The following MEF2A variants were observed in gnomAD, a reference collection of about 807,000 sequenced individuals.
MEF2A encodes the protein myocyte-specific enhancer factor 2A.
In MEF2A, 28 loss-of-function variants were observed where a neutral mutation model predicts 55.8. The ratio of observed to expected loss-of-function variants is 0.50; its 90% CI spans 0.37 to 0.69. The LOEUF is 0.69. MEF2A is among the 30% of genes least tolerant of loss of function. The pLI is 0.00. For synonymous variants in MEF2A, 239 were observed against 227.1 expected, an observed-to-expected ratio of 1.05 and a Z score of -0.47; for missense variants, 528 against 626.2, an observed-to-expected ratio of 0.84 and a Z score of 1.67.
At chr15:99,588,015 G>A (rs1384869495) in intron 1 of MEF2A, among the ~76,000 whole-genome samples, 2 of 152,154 alleles carry the variant, frequency 1.3e-5, no homozygotes, top group Non-Finnish European at 2.9e-5. Flanking sequence ...CTTAGAGGGG[G>A]CAATTAGTCT....
At chr15:99,670,325 A>G (rs1416755692) in intron 4 of MEF2A, among the ~76,000 whole-genome samples, 2 of 152,196 alleles carry the variant, frequency 1.3e-5, no homozygotes, top group Non-Finnish European at 2.9e-5. Flanking sequence ...TTCTCCAGAA[A>G]GGGCTGGGCA....
intron 3 of MEF2A, among the ~76,000 whole-genome samples, chr15:99,641,028 G>T (rs2044810642): frequency 6.6e-6 from 1 of 152,084 alleles, no homozygotes; most frequent in African/African-American, 2.4e-5. Context: ...GCACGTATTT[G>T]CACTAGTTTG....
intron 4 of MEF2A, among the ~76,000 whole-genome samples, chr15:99,664,631 G>T (rs2049262487): frequency 6.6e-6 from 1 of 152,078 alleles, no homozygotes. Context: ...CAGTAGAAAT[G>T]GAAATAATAT....
chr15:99,585,479 T>G (rs982913697), intron 1 of MEF2A, among the ~76,000 whole-genome samples: 2 of 152,226 alleles, frequency 1.3e-5, no homozygotes, highest in African/African-American at 4.8e-5. Flanking sequence ...TTATTAGTTT[T>G]TTTAAAAAAT....
At chr15:99,617,573 C>T (rs1424693189) in intron 2 of MEF2A, among the ~76,000 whole-genome samples, 3 of 152,168 alleles carry the variant, frequency 2.0e-5, no homozygotes, top group Non-Finnish European at 4.4e-5. Flanking sequence ...TATCAGGATA[C>T]TTTCTGCTGC....
chr15:99,609,104 C>T (rs902369437), intron 2 of MEF2A, among the ~76,000 whole-genome samples: 5 of 152,192 alleles, frequency 3.3e-5, no homozygotes, highest in African/African-American at 7.2e-5. Flanking sequence ...AGGTGCTAGA[C>T]AGTGGAAGAC....
chr15:99,671,642 G>T, intron 5 of MEF2A, 188 bp downstream of exon 5: 1 of 1,583,412 alleles, frequency 6.3e-7, no homozygotes. Context: ...ATATGATGCG[G>T]AATCATAAAA....
intron 4 of MEF2A, among the ~76,000 whole-genome samples, chr15:99,648,614 A>G (rs867527672): frequency 5.9e-5 from 9 of 152,144 alleles, no homozygotes; most frequent in Non-Finnish European, 8.8e-5. Flanking sequence ...CAACTTCCAT[A>G]AGGCCTATAA....
At chr15:99,632,080 A>G (rs2043034163) in intron 2 of MEF2A, among the ~76,000 whole-genome samples, 2 of 152,240 alleles carry the variant, frequency 1.3e-5, no homozygotes, top group Admixed American at 1.3e-4. Flanking sequence ...GCCATCATTC[A>G]GAACATGACA....
rs1042888086 is a variant in MEF2A at position 99,565,998 on chromosome 15, G to T, written c.-331G>T. Reference sequence around the variant, plus strand: ...CCGGTGTGGGGATCCGTGCGCGGATGTCCCGGCGAGTCCCGGGCTGAAAGA... The same window carrying T: ...CCGGTGTGGGGATCCGTGCGCGGATTTCCCGGCGAGTCCCGGGCTGAAAGA... On this transcript the variant is annotated 5_prime_UTR_variant, in exon 1 of 12. An upstream start codon of the reference 5' UTR is lost. Coordinates refer to ENST00000557942, the MANE Select transcript of MEF2A (RefSeq NM_001319206.4). 3 of 152,280 alleles carry T rather than the reference G, an allele frequency of 2.0e-5. No individual in the cohort carries two copies. Among genetic ancestry groups the T allele is most frequent in the Admixed American group, 6.5e-5 (1 of 15,290 alleles). The allele number at this position is 152,280 out of a possible 1,614,324, so 9.4% of individuals were successfully genotyped here. A position where few individuals can be genotyped will look rare whatever the true frequency, so the allele number is the denominator to read the frequency against.
At chr15:99,687,974 T>C (rs1478582714) in intron 7 of MEF2A, among the ~76,000 whole-genome samples, 1 of 152,258 alleles carries the variant, frequency 6.6e-6, no homozygotes, top group Non-Finnish European at 1.5e-5. Context: ...GACATGTGAA[T>C]GCTGAGTCCT....
intron 2 of MEF2A, among the ~76,000 whole-genome samples, chr15:99,627,850 T>C (rs2042292268): frequency 6.6e-6 from 1 of 152,132 alleles, no homozygotes; most frequent in Non-Finnish European, 1.5e-5. Flanking sequence ...TGTTAAATTG[T>C]GGAGAAGGAA....
chr15:99,700,633 C>T (rs2057284334), intron 8 of MEF2A, among the ~76,000 whole-genome samples: 1 of 152,082 alleles, frequency 6.6e-6, no homozygotes, highest in Non-Finnish European at 1.5e-5. Context: ...ATACCTGGTG[C>T]TCAGATTTTA....
intron 1 of MEF2A, among the ~76,000 whole-genome samples, chr15:99,582,821 T>A (rs1966318642): frequency 6.6e-6 from 1 of 152,148 alleles, no homozygotes; most frequent in African/African-American, 2.4e-5. Flanking sequence ...CCTTGACTTT[T>A]ATAGCAGAGA....
intron 7 of MEF2A, among the ~76,000 whole-genome samples, chr15:99,686,704 A>G (rs974636223): frequency 4.6e-5 from 7 of 151,934 alleles, no homozygotes; most frequent in African/African-American, 7.3e-5. Context: ...CTGGGTGACA[A>G]TCTTTTTGCA....
chr15:99,658,787 G>A (rs1163110893), intron 4 of MEF2A, among the ~76,000 whole-genome samples: 1 of 152,140 alleles, frequency 6.6e-6, no homozygotes, highest in East Asian at 1.9e-4. Flanking sequence ...GCAACCTAGA[G>A]TTCTATACCC....
intron 2 of MEF2A, among the ~76,000 whole-genome samples, chr15:99,608,968 T>C (rs1567218305): frequency 6.6e-6 from 1 of 152,216 alleles, no homozygotes; most frequent in Non-Finnish European, 1.5e-5. Context: ...ATTCAGTATT[T>C]CAGTTGTCTT....
chr15:99,691,531 C>T (rs995089043), intron 8 of MEF2A, among the ~76,000 whole-genome samples: 3 of 151,720 alleles, frequency 2.0e-5, no homozygotes, highest in African/African-American at 7.3e-5. Context: ...AACCCCATCT[C>T]TACTAAAAAT....
At chr15:99,686,876 G>A (rs748290503) in intron 7 of MEF2A, among the ~76,000 whole-genome samples, 7 of 151,578 alleles carry the variant, frequency 4.6e-5, no homozygotes, top group South Asian at 2.1e-4. Context: ...GCTGTTTAGC[G>A]TAATCTCAAA....
Sources: gnomAD v4.1 joint callset for allele counts (sites outside exome capture counted in the v4.1 genomes callset) on GRCh38, gnomAD v4.1.1 for gene constraint, MANE v1.5 for transcripts, NCBI Gene and HGNC (gene_info 2026-07-23, HGNC 2026-07-21) for gene names.